The following CNTN1 variants were observed in gnomAD, a reference collection of about 807,000 sequenced individuals.
CNTN1 encodes contactin 1, also known as contactin-1.
CNTN1 carries 38 observed loss-of-function variants against 126.4 expected under a neutral mutation model. The observed-to-expected ratio is 0.30, with a 90% CI of 0.23 to 0.39. The LOEUF is 0.39. CNTN1 is among the 10% of genes least tolerant of loss of function. The probability of loss-of-function intolerance (pLI) is 1.00; values close to 1 mark genes in which losing one functional copy is unlikely to be tolerated. For missense variants in CNTN1, 1,009 were observed against 1,248.4 expected (o/e 0.81, Z 2.89); for synonymous variants, 413 against 422.6 (o/e 0.98, Z 0.28).
chr12:40,934,429 C>G (rs1055526979), intron 9 of CNTN1, among the ~76,000 whole-genome samples: 1 of 138,476 alleles, frequency 7.2e-6, no homozygotes, highest in Non-Finnish European at 1.6e-5. Context: ...TTTAAGAAAT[C>G]TTTTTTTTTT....
intron 1 of CNTN1, among the ~76,000 whole-genome samples, chr12:40,794,492 A>G (rs1282267378): frequency 1.3e-5 from 2 of 152,034 alleles, no homozygotes; most frequent in Non-Finnish European, 2.9e-5. Context: ...ATGAAACTGA[A>G]CAAATCATAT....
intron 1 of CNTN1, among the ~76,000 whole-genome samples, chr12:40,780,742 G>T (rs1188350729): frequency 6.9e-6 from 1 of 145,108 alleles, no homozygotes; most frequent in Admixed American, 6.9e-5. Context: ...AAAAATCCAT[G>T]AATCAAAAGA....
At chr12:40,716,856 T>C (rs1171742775) in intron 1 of CNTN1, among the ~76,000 whole-genome samples, 4 of 152,212 alleles carry the variant, frequency 2.6e-5, no homozygotes, top group Non-Finnish European at 5.9e-5. Flanking sequence ...ATCAGTCTAC[T>C]TAAAAACAGA....
At chr12:40,923,325 G>A (rs191952449) in intron 5 of CNTN1, among the ~76,000 whole-genome samples, 144 of 152,260 alleles carry the variant, frequency 9.5e-4, no homozygotes, top group African/African-American at 3.2e-3. Context: ...TGGACCAGGT[G>A]ATCTCCAGTA....
intron 1 of CNTN1, among the ~76,000 whole-genome samples, chr12:40,698,389 C>A (rs761098150): frequency 4.5e-4 from 68 of 151,872 alleles, no homozygotes; most frequent in African/African-American, 1.6e-3. Context: ...GTGCCCATCA[C>A]TACGCCCAGT....
intron 1 of CNTN1, among the ~76,000 whole-genome samples, chr12:40,765,577 A>C (rs1939050874): frequency 6.6e-6 from 1 of 152,080 alleles, no homozygotes; most frequent in African/African-American, 2.4e-5. Flanking sequence ...GAGTCAAGGG[A>C]AAAAATGTGT....
intron 1 of CNTN1, among the ~76,000 whole-genome samples, chr12:40,872,518 T>C (rs1379853470): frequency 6.6e-6 from 1 of 151,906 alleles, no homozygotes; most frequent in Non-Finnish European, 1.5e-5. Context: ...GAAATACTGA[T>C]TATACTGTTT....
At chr12:40,707,044 GCGCACACACACACA>G (rs1441387490) in intron 1 of CNTN1, among the ~76,000 whole-genome samples, 2 of 50,526 alleles carry the variant, frequency 4.0e-5, no homozygotes, top group Non-Finnish European at 8.5e-5. Context: ...GCGCGCGCTT[GCGCACACACACACA>G]CACACACACA....
intron 1 of CNTN1, among the ~76,000 whole-genome samples, chr12:40,876,910 A>G (rs986484333): frequency 6.6e-6 from 1 of 152,144 alleles, no homozygotes; most frequent in Admixed American, 6.5e-5. Context: ...GCCTAATAAT[A>G]TATTTGCTTC....
At chr12:40,930,394 G>A (rs1945843071) in intron 7 of CNTN1, among the ~76,000 whole-genome samples, 1 of 151,990 alleles carries the variant, frequency 6.6e-6, no homozygotes, top group East Asian at 1.9e-4. Flanking sequence ...AATAGTAATT[G>A]TAGAATTTTT....
chr12:40,865,565 T>C (rs1166171879), intron 1 of CNTN1, among the ~76,000 whole-genome samples: 1 of 152,110 alleles, frequency 6.6e-6, no homozygotes, highest in African/African-American at 2.4e-5. Flanking sequence ...TGTATTTGAA[T>C]ATTTAGTTGT....
chr12:40,708,418 A>T (rs1467270333), intron 1 of CNTN1, among the ~76,000 whole-genome samples: 1 of 152,234 alleles, frequency 6.6e-6, no homozygotes, highest in Non-Finnish European at 1.5e-5. Context: ...TTTGTTACGA[A>T]AAATGCTACT....
chr12:40,788,296 G>C (rs1329589447), intron 1 of CNTN1, among the ~76,000 whole-genome samples: 1 of 152,128 alleles, frequency 6.6e-6, no homozygotes, highest in Non-Finnish European at 1.5e-5. Flanking sequence ...GATTTTGCAT[G>C]CTACTGAAAC....
intron 1 of CNTN1, among the ~76,000 whole-genome samples, chr12:40,708,297 T>G (rs1009980364): frequency 2.0e-5 from 3 of 152,206 alleles, no homozygotes; most frequent in African/African-American, 7.2e-5. Context: ...GTCACACACA[T>G]TTTTTGATAT....
intron 1 of CNTN1, among the ~76,000 whole-genome samples, chr12:40,757,620 T>C (rs550230796): frequency 6.6e-6 from 1 of 152,270 alleles, no homozygotes; most frequent in Admixed American, 6.5e-5. Context: ...GCTTCCACTA[T>C]GCTGTTTTGC....
intron 1 of CNTN1, among the ~76,000 whole-genome samples, chr12:40,835,734 C>T (rs1355766607): frequency 6.6e-6 from 1 of 151,558 alleles, no homozygotes; most frequent in Non-Finnish European, 1.5e-5. Flanking sequence ...ACACTTTAAT[C>T]TCTTGAATTA....
At chr12:40,788,054 C>A (rs554694181) in intron 1 of CNTN1, among the ~76,000 whole-genome samples, 7 of 152,262 alleles carry the variant, frequency 4.6e-5, no homozygotes, top group Middle Eastern at 3.4e-3. Context: ...AATTCAAACT[C>A]AGTCTTTTTT....
intron 15 of CNTN1, chr12:40,971,886 G>A: frequency 1.9e-6 from 2 of 1,058,568 alleles, no homozygotes; most frequent in Non-Finnish European, 2.3e-6. Context: ...GCCATTGAAT[G>A]TACTGTTTGA....
At chr12:41,051,267 C>T (rs1949673284) in intron 23 of CNTN1, among the ~76,000 whole-genome samples, 1 of 151,162 alleles carries the variant, frequency 6.6e-6, no homozygotes, top group South Asian at 2.1e-4. Flanking sequence ...CCTGCCTCAG[C>T]CTCCCAAGTA....
Sources: allele counts gnomAD v4.1 joint callset (sites outside exome capture counted in the v4.1 genomes callset), GRCh38; gene constraint gnomAD v4.1.1; transcripts MANE v1.5; gene names NCBI Gene and HGNC (gene_info 2026-07-23, HGNC 2026-07-21).